FTCD: variants seen among roughly 807,000 people sequenced by gnomAD.
The protein encoded by FTCD is formimidoyltransferase-cyclodeaminase.
Under a neutral mutation model 62.9 loss-of-function variants are expected in FTCD, and 76 were observed. The ratio of observed to expected loss-of-function variants is 1.21; its 90% CI spans 1.00 to 1.46. FTCD has a LOEUF of 1.46. Among genes scored for constraint, FTCD ranks in the 40% most tolerant of loss-of-function variants. FTCD has a pLI of 0.00. For synonymous variants in FTCD, 397 were observed against 336.9 expected (o/e 1.18, Z -1.95); for missense variants, 845 against 751.3 (o/e 1.12, Z -1.46).
intron 3 of FTCD, chr21:46,152,650 C>T (rs1043631544): frequency 7.7e-5 from 33 of 426,340 alleles, no homozygotes; most frequent in East Asian, 2.1e-4. Flanking sequence ...CTCTAGAAGG[C>T]GTGGACTTTA....
Position 46,137,080 on chromosome 21 carries a change from G to C in FTCD, c.1540-7C>G. 1.2e-6 allele frequency: 2 copies of C among 1,613,784 alleles called. No homozygotes were observed. ...TGGAAACACGATGGTGGATCTGATGGACACAGGGAAAGAGGGGTCTGGTAG... is the reference window on the plus strand; with the variant it reads ...TGGAAACACGATGGTGGATCTGATGCACACAGGGAAAGAGGGGTCTGGTAG... On this transcript the variant is annotated splice_polypyrimidine_tract_variant and splice_region_variant and intron_variant, in intron 13 of 13. Coordinates refer to ENST00000397746, the MANE Select transcript of FTCD (RefSeq NM_206965.2).
chr21:46,137,434 C>T (rs567018376), intron 12 of FTCD, 100 bp from the exon 13 acceptor site: 8 of 921,546 alleles, frequency 8.7e-6, no homozygotes, highest in South Asian at 7.8e-5. Flanking sequence ...CGGACTTCGT[C>T]CTCCTCCTCA....
Position 46,138,631 on chromosome 21 carries a change from TAG to T in FTCD, c.1318_1319del (p.Leu440ThrfsTer71). On this transcript the variant is annotated frameshift_variant, in exon 12 of 14. Transcript: ENST00000397746. LOFTEE classifies it high-confidence loss of function. ...AGACTGCCCGCCTCAGACCCTCCTG[TAG>T]GGCCGCCGTGCGCCTGAAAGGAGCA... ...PEEKDRRTAA[L>X]QEGLRRAVSV... The T allele has an allele frequency of 6.3e-7, 1 of 1,594,712 alleles. No individual in the cohort carries two copies. The highest frequency in any genetic ancestry group is 8.5e-7 in the Non-Finnish European group (1 of 1,177,554).
chr21:46,143,709 G>T (rs2079067223), intron 10 of FTCD, among the ~76,000 whole-genome samples: 1 of 152,180 alleles, frequency 6.6e-6, no homozygotes, highest in African/African-American at 2.4e-5. Context: ...GGTAAGGCCA[G>T]CGTCTGGGAA....
At chr21:46,144,921 A>AG (rs1219178156) in intron 10 of FTCD, among the ~76,000 whole-genome samples, 1 of 150,444 alleles carries the variant, frequency 6.6e-6, no homozygotes, top group Non-Finnish European at 1.5e-5. Flanking sequence ...GTTTGGAGGG[A>AG]GGTGGGGTCA....
At chr21:46,154,433 G>A in intron 1 of FTCD, 101 bp from the exon 2 acceptor site, 2 of 1,397,076 alleles carry the variant, frequency 1.4e-6, no homozygotes, top group Non-Finnish European at 2.0e-6. Flanking sequence ...GGGGGCTGAG[G>A]AGGCGGGCCA....
At chr21:46,139,010 G>A (rs2078936119) in intron 10 of FTCD, 87 bp from the exon 11 acceptor site, 13 of 1,016,360 alleles carry the variant, frequency 1.3e-5, no homozygotes, top group Admixed American at 5.1e-5. Flanking sequence ...CTGTAGCAAG[G>A]AGCATGTCCC....
At chr21:46,154,907 GC>G (rs1202003830) in intron 1 of FTCD, among the ~76,000 whole-genome samples, 1 of 152,226 alleles carries the variant, frequency 6.6e-6, no homozygotes, top group Non-Finnish European at 1.5e-5. Flanking sequence ...CTTCCAGGTG[GC>G]CCTTAGGGCC....
chr21:46,145,661 TC>T (rs1243677125), intron 9 of FTCD, 83 bp from the exon 10 acceptor site: 20 of 928,352 alleles, frequency 2.2e-5, no homozygotes, highest in Non-Finnish European at 2.7e-5. Context: ...GCCCGGGTGA[TC>T]CCTGCGGGGG....
intron 10 of FTCD, 75 bp downstream of exon 10, chr21:46,145,342 C>G: frequency 1.6e-6 from 2 of 1,264,602 alleles, no homozygotes; most frequent in Non-Finnish European, 2.2e-6. Context: ...GAGGCTGACC[C>G]GCTTCTCACT....
downstream of FTCD, chr21:46,136,571 A>AG (rs1007690530): frequency 1.8e-5 from 28 of 1,571,194 alleles, no homozygotes; most frequent in African/African-American, 3.2e-4. Flanking sequence ...ACTGAACCCC[A>AG]GGTCCTCTGA....
rs1248338100 is a variant in FTCD at position 46,137,335 on chromosome 21, C to G, written c.1444-1G>C. The G allele has an allele frequency of 6.2e-7, 1 of 1,611,216 alleles. No individual in the cohort carries two copies. The highest frequency in any genetic ancestry group is 1.1e-5 in the South Asian group (1 of 91,024). ...CCATCTCCAGGGCTTTGGCCGCCAC[C>G]TGCAAGGACCCCAGGGAGCCCCTAC... On this transcript the variant is annotated splice_acceptor_variant, in intron 12 of 13. Coordinates refer to ENST00000397746, the MANE Select transcript of FTCD (RefSeq NM_206965.2). LOFTEE classifies it high-confidence loss of function.
rs764707580 is a variant in FTCD at position 46,155,574 on chromosome 21, G to A, written c.-51C>T. On this transcript the variant is annotated 5_prime_UTR_variant, in exon 1 of 14. Coordinates refer to ENST00000397746, the MANE Select transcript of FTCD (RefSeq NM_206965.2). ...CTCTCTGGGCAGATGGAAGGACAGGGCCAGTGCTCCGCAGCCGCCGCCAGG... is the reference window on the plus strand; with the variant it reads ...CTCTCTGGGCAGATGGAAGGACAGGACCAGTGCTCCGCAGCCGCCGCCAGG... 1.3e-6 allele frequency: 2 copies of A among 1,528,154 alleles called. No homozygotes were observed. Among genetic ancestry groups the A allele is most frequent in the Non-Finnish European group, 9.1e-7 (1 of 1,103,336 alleles). 94.7% of individuals were successfully genotyped at this position (1,528,154 alleles called of 1,614,324 possible).
chr21:46,152,680 G>A, intron 3 of FTCD: 2 of 477,706 alleles, frequency 4.2e-6, no homozygotes, highest in Non-Finnish European at 7.4e-6. Flanking sequence ...GTTTGCCTGT[G>A]CAGCTGCTCT....
chr21:46,136,457 T>TC, downstream of FTCD: 3 of 1,612,602 alleles, frequency 1.9e-6, no homozygotes, highest in South Asian at 1.1e-5. Flanking sequence ...AGCGAGGCTA[T>TC]CCTTCCAGCG....
At chr21:46,137,965 C>T (rs368653676) in intron 12 of FTCD, among the ~76,000 whole-genome samples, 2 of 152,308 alleles carry the variant, frequency 1.3e-5, no homozygotes, top group African/African-American at 2.4e-5. Flanking sequence ...GGTGTGATCA[C>T]GGCTCACTGC....
chr21:46,152,063 CT>C, intron 3 of FTCD, 83 bp from the exon 4 acceptor site: 1 of 975,934 alleles, frequency 1.0e-6, no homozygotes. Flanking sequence ...GAGGGGCTCC[CT>C]CCAGCCTAAC....
chr21:46,145,938 G>C lies in FTCD; in HGVS notation c.978C>G (p.Val326=), dbSNP rs1308031475. The change falls in exon 9 of 14, where the codon GTC becomes GTG. Residue 326 remains valine, a synonymous_variant. Transcript: ENST00000397746. ...SPKERIIEYL[V]PERGPERGLG... ...GGCCTCGCTCAGGCCCGCGCTCAGGGACCAGGTACCTGCAGGGTGGGCGCG... is the reference window on the plus strand; with the variant it reads ...GGCCTCGCTCAGGCCCGCGCTCAGGCACCAGGTACCTGCAGGGTGGGCGCG... The C allele has an allele frequency of 3.3e-6, 5 of 1,500,556 alleles. No individual in the cohort carries two copies. The highest frequency in any genetic ancestry group is 1.5e-5 in the African/African-American group (1 of 68,776). 93.0% of individuals were successfully genotyped at this position (1,500,556 alleles called of 1,614,324 possible). A position where few individuals can be genotyped will look rare whatever the true frequency, so the allele number is the denominator to read the frequency against.
At chr21:46,146,213 C>A (rs540247905) in intron 8 of FTCD, 53 bp downstream of exon 8, 129 of 1,326,348 alleles carry the variant, frequency 9.7e-5, no homozygotes, top group Non-Finnish European at 1.2e-4. Context: ...CCGCAAGGCC[C>A]GAGAGGCAGA....
Sources: allele counts gnomAD v4.1 joint callset (sites outside exome capture counted in the v4.1 genomes callset), GRCh38; gene constraint gnomAD v4.1.1; transcripts MANE v1.5; gene names NCBI Gene and HGNC (gene_info 2026-07-23, HGNC 2026-07-21).